The following SH3RF3 variants were observed in gnomAD, a reference collection of about 807,000 sequenced individuals.
SH3RF3 encodes E3 ubiquitin-protein ligase SH3RF3.
A neutral mutation model predicts 66.3 loss-of-function variants in SH3RF3; 29 were observed. That is an observed-to-expected ratio of 0.44 (90% confidence interval 0.33 to 0.60). The LOEUF is 0.60. Ranked by LOEUF, SH3RF3 falls within the 20% of genes least tolerant of loss-of-function variation. The pLI is 0.04. For synonymous variants in SH3RF3, 583 were observed against 532.0 expected (o/e 1.10, Z -1.32); for missense variants, 1,194 against 1,190.9 (o/e 1.00, Z -0.04).
At chr2:109,266,298 ATGTGTTGTGTG>A (rs1406817167) in intron 1 of SH3RF3, among the ~76,000 whole-genome samples, 1 of 147,186 alleles carries the variant, frequency 6.8e-6, no homozygotes, top group Non-Finnish European at 1.5e-5. Flanking sequence ...TGTTGTGTGT[ATGTGTTGTGTG>A]TGTGTTGTAT....
intron 1 of SH3RF3, among the ~76,000 whole-genome samples, chr2:109,206,134 T>C (rs750602195): frequency 2.6e-5 from 4 of 152,110 alleles, no homozygotes; most frequent in African/African-American, 4.8e-5. Flanking sequence ...TCCCTGGAGG[T>C]TTTGCTTGGT....
intron 8 of SH3RF3, among the ~76,000 whole-genome samples, chr2:109,470,370 G>T (rs1308334793): frequency 6.6e-6 from 1 of 152,152 alleles, no homozygotes; most frequent in Non-Finnish European, 1.5e-5. Flanking sequence ...CCAGAGTTTT[G>T]CTGGATCTCA....
chr2:109,279,950 G>A (rs975537450), intron 1 of SH3RF3, among the ~76,000 whole-genome samples: 3 of 151,984 alleles, frequency 2.0e-5, no homozygotes, highest in Admixed American at 6.6e-5. Context: ...AGGGTGAGGG[G>A]TGAGAGGGCC....
intron 1 of SH3RF3, among the ~76,000 whole-genome samples, chr2:109,296,966 A>G (rs1681326866): frequency 6.6e-6 from 1 of 152,096 alleles, no homozygotes; most frequent in East Asian, 1.9e-4. Flanking sequence ...CTGAGGAGCT[A>G]GTGATTTACC....
chr2:109,235,633 T>C (rs1679628640), intron 1 of SH3RF3, among the ~76,000 whole-genome samples: 1 of 152,208 alleles, frequency 6.6e-6, no homozygotes, highest in Admixed American at 6.5e-5. Flanking sequence ...TGTTTTGCTT[T>C]TGCTGTTTTT....
chr2:109,263,323 G>C (rs915282483), intron 1 of SH3RF3, among the ~76,000 whole-genome samples: 2 of 152,124 alleles, frequency 1.3e-5, no homozygotes, highest in Non-Finnish European at 2.9e-5. Context: ...CTATAAGGTG[G>C]GTAGATCAAC....
At chr2:109,183,573 C>A (rs1478471093) in intron 1 of SH3RF3, among the ~76,000 whole-genome samples, 7 of 149,286 alleles carry the variant, frequency 4.7e-5, no homozygotes, top group Non-Finnish European at 7.4e-5. Context: ...CAGCTCTTCA[C>A]AATTCAGCCT....
chr2:109,355,661 G>A (rs570460059), intron 2 of SH3RF3, among the ~76,000 whole-genome samples: 2 of 152,304 alleles, frequency 1.3e-5, no homozygotes, highest in South Asian at 4.1e-4. Context: ...GCCATTGGGA[G>A]CCTCTGGTAT....
intron 1 of SH3RF3, among the ~76,000 whole-genome samples, chr2:109,262,241 A>T (rs901417239): frequency 1.3e-5 from 2 of 152,230 alleles, no homozygotes; most frequent in Non-Finnish European, 2.9e-5. Flanking sequence ...TAACCATCTG[A>T]GGCTTGAAAG....
At chr2:109,258,540 G>A (rs1003471667) in intron 1 of SH3RF3, among the ~76,000 whole-genome samples, 34 of 152,138 alleles carry the variant, frequency 2.2e-4, no homozygotes, top group African/African-American at 7.2e-4. Flanking sequence ...CAATGTATGG[G>A]TGGTGCCACC....
At chr2:109,422,225 G>A (rs952772970) in intron 5 of SH3RF3, among the ~76,000 whole-genome samples, 9 of 152,296 alleles carry the variant, frequency 5.9e-5, no homozygotes, top group Admixed American at 2.6e-4. Flanking sequence ...TGCCCATTGC[G>A]GGTCTGCAGA....
intron 4 of SH3RF3, among the ~76,000 whole-genome samples, chr2:109,413,484 C>G (rs1235525857): frequency 1.3e-5 from 2 of 152,174 alleles, no homozygotes; most frequent in Non-Finnish European, 2.9e-5. Flanking sequence ...CCTGCCCTGT[C>G]TCTGTCTGTC....
chr2:109,346,629 T>C (rs980803351), intron 1 of SH3RF3, among the ~76,000 whole-genome samples: 4 of 151,440 alleles, frequency 2.6e-5, no homozygotes, highest in Admixed American at 6.6e-5. Context: ...ATGGACTTGA[T>C]GAGACAGGGC....
intron 5 of SH3RF3, among the ~76,000 whole-genome samples, chr2:109,420,922 C>T (rs1376139667): frequency 1.3e-5 from 2 of 152,142 alleles, no homozygotes; most frequent in African/African-American, 4.8e-5. Flanking sequence ...TATAATTAAC[C>T]AATGTAATGA....
rs1157232687 is a variant in SH3RF3 at position 109,455,160 on chromosome 2, G to C, written c.2148+5671G>C. On this transcript the variant is annotated intron_variant, in intron 8 of 9. Coordinates refer to ENST00000309415, the MANE Select transcript of SH3RF3 (RefSeq NM_001099289.3). The stretch of plus-strand genomic sequence containing the variant: ...CCTGTGTTGGGTCCAAGTGCTGACT[G>C]TGGTGGCCTCCTAGTCCCTGGGAGG... Among the ~76,000 whole-genome samples the C allele has an allele frequency of 2.0e-5, 3 of 152,126 alleles. No homozygotes were observed. In the South Asian group the frequency reaches 6.2e-4, roughly 31 times the overall value.
intron 1 of SH3RF3, among the ~76,000 whole-genome samples, chr2:109,259,755 G>A (rs899987744): frequency 2.0e-5 from 3 of 152,210 alleles, no homozygotes; most frequent in Admixed American, 6.5e-5. Context: ...GAGGCTTCAC[G>A]TAGGTGCATG....
At chr2:109,197,706 C>T (rs542295063) in intron 1 of SH3RF3, among the ~76,000 whole-genome samples, 5 of 152,310 alleles carry the variant, frequency 3.3e-5, no homozygotes, top group South Asian at 2.1e-4. Flanking sequence ...CCAGTAGGGC[C>T]GGGTGTGTGC....
chr2:109,426,942 A>G (rs1677040225), intron 5 of SH3RF3, among the ~76,000 whole-genome samples: 2 of 150,702 alleles, frequency 1.3e-5, no homozygotes, highest in Admixed American at 1.3e-4. Context: ...TCAGATGATC[A>G]TTAACATTTT....
chr2:109,396,772 C>G (rs1385932205), intron 3 of SH3RF3, among the ~76,000 whole-genome samples: 1 of 152,242 alleles, frequency 6.6e-6, no homozygotes, highest in East Asian at 1.9e-4. Flanking sequence ...AGCCTATATC[C>G]TTAGCCTATG....
Sources: allele counts gnomAD v4.1 joint callset (sites outside exome capture counted in the v4.1 genomes callset), GRCh38; gene constraint gnomAD v4.1.1; transcripts MANE v1.5; gene names NCBI Gene and HGNC (gene_info 2026-07-23, HGNC 2026-07-21).